Variants in CDK14 observed in about 807,000 individuals in gnomAD.
CDK14 encodes the protein cyclin dependent kinase 14.
A neutral mutation model predicts 60.7 loss-of-function variants in CDK14; 34 were observed. The observed-to-expected ratio is 0.56, with a 90% confidence interval of 0.43 to 0.75. The LOEUF is 0.75. Among genes scored for constraint, CDK14 ranks in the 30% least tolerant of loss-of-function variants. The probability of loss-of-function intolerance (pLI) is 0.00; values close to 1 mark genes in which losing one functional copy is unlikely to be tolerated. For synonymous variants in CDK14, 197 were observed against 203.7 expected, an observed-to-expected ratio of 0.97 and a Z score of 0.28; for missense variants, 482 against 564.1, an observed-to-expected ratio of 0.85 and a Z score of 1.47.
At chr7:90,988,714 C>T (rs1427312016) in intron 10 of CDK14, among the ~76,000 whole-genome samples, 2 of 152,146 alleles carry the variant, frequency 1.3e-5, no homozygotes, top group East Asian at 3.9e-4. Context: ...TGTCTGAAAC[C>T]TTTGGCAGAT....
chr7:90,873,864 A>C (rs1399114511), intron 6 of CDK14, among the ~76,000 whole-genome samples: 1 of 152,016 alleles, frequency 6.6e-6, no homozygotes, highest in Non-Finnish European at 1.5e-5. Context: ...AAACGTACTC[A>C]CCTTTTCCTG....
At chr7:90,618,893 C>T (rs1386841577) in intron 2 of CDK14, among the ~76,000 whole-genome samples, 1 of 152,010 alleles carries the variant, frequency 6.6e-6, no homozygotes. Flanking sequence ...GAATTTGTGC[C>T]TTATTGTGTC....
chr7:90,715,130 G>C (rs1051424227), intron 2 of CDK14, among the ~76,000 whole-genome samples: 1 of 152,010 alleles, frequency 6.6e-6, no homozygotes, highest in African/African-American at 2.4e-5. Context: ...GGACAGAATA[G>C]TGAGCTACAG....
At chr7:90,615,167 T>C (rs545704601) in intron 2 of CDK14, among the ~76,000 whole-genome samples, 7 of 152,332 alleles carry the variant, frequency 4.6e-5, no homozygotes, top group Admixed American at 2.6e-4. Flanking sequence ...CATGTAGTTA[T>C]AATACGATAG....
chr7:90,709,823 G>A (rs1801996840), intron 2 of CDK14: 7 of 1,410,592 alleles, frequency 5.0e-6, no homozygotes, highest in East Asian at 2.7e-5. Context: ...TAGTACGGCC[G>A]TACCATTTCA....
chr7:90,957,146 G>T (rs1794446568), intron 9 of CDK14, among the ~76,000 whole-genome samples: 4 of 150,830 alleles, frequency 2.7e-5, no homozygotes, highest in Non-Finnish European at 5.9e-5. Context: ...GGGATGGCTG[G>T]GTCAAATGGT....
intron 14 of CDK14, among the ~76,000 whole-genome samples, chr7:91,179,674 G>A (rs920234937): frequency 1.3e-5 from 2 of 151,890 alleles, no homozygotes; most frequent in African/African-American, 4.8e-5. Context: ...GTGGTGGCGG[G>A]CGCCTGTAGT....
chr7:91,067,818 T>G (rs1403483288), intron 11 of CDK14, among the ~76,000 whole-genome samples: 1 of 152,222 alleles, frequency 6.6e-6, no homozygotes, highest in African/African-American at 2.4e-5. Context: ...AGGTAATTCT[T>G]AGAACTAATA....
At chr7:90,838,337 C>T (rs774680945) in intron 5 of CDK14, among the ~76,000 whole-genome samples, 20 of 152,102 alleles carry the variant, frequency 1.3e-4, no homozygotes, top group Non-Finnish European at 2.1e-4. Flanking sequence ...CCTCAGGACC[C>T]TGCGATGATT....
intron 9 of CDK14, among the ~76,000 whole-genome samples, 179 bp downstream of exon 9, chr7:90,955,996 C>CT (rs1352711558): frequency 3.3e-5 from 5 of 152,154 alleles, no homozygotes; most frequent in Admixed American, 3.3e-4. Flanking sequence ...TTAGAGTCTC[C>CT]TTTGCAGATG....
intron 11 of CDK14, among the ~76,000 whole-genome samples, chr7:91,056,394 T>C (rs1428979638): frequency 2.0e-5 from 3 of 150,868 alleles, no homozygotes; most frequent in African/African-American, 7.3e-5. Flanking sequence ...TATAAATTTT[T>C]CAGCATGTGA....
intron 6 of CDK14, among the ~76,000 whole-genome samples, chr7:90,892,770 C>T (rs890128354): frequency 3.3e-5 from 5 of 151,986 alleles, no homozygotes; most frequent in Non-Finnish European, 7.4e-5. Context: ...AAAGAGGATA[C>T]TGGGTTTTTT....
intron 8 of CDK14, among the ~76,000 whole-genome samples, chr7:90,922,781 A>G (rs544288972): frequency 1.6e-4 from 24 of 152,280 alleles, no homozygotes; most frequent in Admixed American, 1.3e-3. Context: ...TGTTATCACA[A>G]CATAACATTG....
intron 5 of CDK14, among the ~76,000 whole-genome samples, chr7:90,802,355 G>C (rs1182275884): frequency 1.3e-5 from 2 of 152,136 alleles, no homozygotes; most frequent in Non-Finnish European, 2.9e-5. Flanking sequence ...ATTGGCAACT[G>C]TTTTTAAAGA....
intron 6 of CDK14, among the ~76,000 whole-genome samples, chr7:90,896,179 T>C (rs931025062): frequency 6.6e-6 from 1 of 152,158 alleles, no homozygotes; most frequent in Non-Finnish European, 1.5e-5. Context: ...CTAAATTTTC[T>C]TGTTGATGCT....
chr7:90,603,176 A>G (rs1280469079), intron 1 of CDK14, among the ~76,000 whole-genome samples: 1 of 152,242 alleles, frequency 6.6e-6, no homozygotes, highest in Non-Finnish European at 1.5e-5. Context: ...CAGATAAATT[A>G]GCTATTTAAT....
At chr7:90,601,507 A>C (rs1275991266) in intron 1 of CDK14, among the ~76,000 whole-genome samples, 1 of 152,242 alleles carries the variant, frequency 6.6e-6, no homozygotes, top group African/African-American at 2.4e-5. Flanking sequence ...AGTATTGTGC[A>C]GATGAGATAA....
At chr7:90,596,988 T>C (rs1267275308) in intron 1 of CDK14, among the ~76,000 whole-genome samples, 3 of 152,072 alleles carry the variant, frequency 2.0e-5, no homozygotes, top group Non-Finnish European at 2.9e-5. Context: ...GTGCTCGCCC[T>C]TTCGCGCGCG....
At chr7:91,021,736 C>G (rs1408507282) in intron 10 of CDK14, among the ~76,000 whole-genome samples, 1 of 152,202 alleles carries the variant, frequency 6.6e-6, no homozygotes, top group African/African-American at 2.4e-5. Context: ...CAAGGGATCC[C>G]TTTGGGGGCC....
Sources: gnomAD v4.1 joint callset for allele counts (sites outside exome capture counted in the v4.1 genomes callset) on GRCh38, gnomAD v4.1.1 for gene constraint, MANE v1.5 for transcripts, NCBI Gene and HGNC (gene_info 2026-07-23, HGNC 2026-07-21) for gene names.